The following FREM1 variants were observed in gnomAD, a reference collection of about 807,000 sequenced individuals.
The protein encoded by FREM1 is FRAS1 related extracellular matrix 1.
In FREM1, 220 loss-of-function variants were observed where a neutral mutation model predicts 210.1. The observed-to-expected ratio is 1.05, with a 90% CI of 0.94 to 1.17. FREM1 has a LOEUF of 1.17. Among genes scored for constraint, FREM1 ranks in the 50% most tolerant of loss-of-function variants. The probability of loss-of-function intolerance (pLI) is 0.00; values close to 1 mark genes in which losing one functional copy is unlikely to be tolerated. For missense variants in FREM1, 3,454 were observed against 2,675.5 expected, an observed-to-expected ratio of 1.29 and a Z score of -6.42; for synonymous variants, 1,189 against 980.2, an observed-to-expected ratio of 1.21 and a Z score of -3.98.
intron 1 of FREM1, among the ~76,000 whole-genome samples, chr9:14,899,854 C>G (rs1434009259): frequency 1.3e-5 from 2 of 152,222 alleles, no homozygotes; most frequent in Non-Finnish European, 2.9e-5. Context: ...TGTGGAAAAA[C>G]ATACTAACTT....
At chr9:14,844,014 A>G (rs1360493863) in intron 8 of FREM1, among the ~76,000 whole-genome samples, 1 of 152,220 alleles carries the variant, frequency 6.6e-6, no homozygotes, top group Admixed American at 6.5e-5. Flanking sequence ...AATAGTATCT[A>G]ATATCATAAA....
rs976791107 is a variant in FREM1, at chr9:14,776,115, T to C, written c.4531A>G (p.Arg1511Gly). 7 of 1,599,536 alleles carry C rather than the reference T, an allele frequency of 4.4e-6. No homozygotes were observed. Among genetic ancestry groups the C allele is most frequent in the African/African-American group, 2.7e-5 (2 of 74,660 alleles). Residue 1511 changes from arginine (R) to glycine (G), a missense_variant, in exon 25 of 37, where the codon AGG becomes GGG. By Grantham distance (125) the Arg-to-Gly change is moderately radical. Transcript: ENST00000380880. ...TVDRALPVVT[R>G]NKGLRLAQGA... ...TGGGCCAGTCTCAACCCCTTGTTCC[T>C]GGTTACCACAGGCAGGGCTCTGTCC...
At chr9:14,870,965 C>T (rs1340842650) in intron 1 of FREM1, among the ~76,000 whole-genome samples, 1 of 151,840 alleles carries the variant, frequency 6.6e-6, no homozygotes, top group Non-Finnish European at 1.5e-5. Flanking sequence ...TCATCCATGT[C>T]CCTACAAAGG....
At chr9:14,791,631 C>T (rs1851333808) in intron 22 of FREM1, among the ~76,000 whole-genome samples, 1 of 152,142 alleles carries the variant, frequency 6.6e-6, no homozygotes, top group South Asian at 2.1e-4. Flanking sequence ...GAACTTTCGT[C>T]TTTTAAGTTC....
rs539913121 is a variant in FREM1 at position 14,818,270 on chromosome 9, G to A, written c.2546+964C>T. On this transcript the variant is annotated intron_variant, in intron 14 of 36. Coordinates refer to ENST00000380880, the MANE Select transcript of FREM1 (RefSeq NM_001379081.2). Reference sequence around the variant, plus strand: ...AACAGGGCTCTCTATCTAACAGACAGCTGAGAGCTGAAATCTCAAAAAACA... The same window carrying A: ...AACAGGGCTCTCTATCTAACAGACAACTGAGAGCTGAAATCTCAAAAAACA... Among the ~76,000 whole-genome samples, 490 of 152,338 alleles carry A rather than the reference G, an allele frequency of 3.2e-3. 4 individuals are homozygous for A. Among genetic ancestry groups the A allele is most frequent in the Non-Finnish European group, 4.5e-3 (309 of 68,032 alleles).
intron 10 of FREM1, among the ~76,000 whole-genome samples, chr9:14,838,026 A>G (rs1410848460): frequency 6.6e-6 from 1 of 152,214 alleles, no homozygotes; most frequent in East Asian, 1.9e-4. Flanking sequence ...CAAAGGGGTT[A>G]AATGATTTGC....
At chr9:14,781,987 G>A (rs1332036752) in intron 24 of FREM1, among the ~76,000 whole-genome samples, 1 of 152,210 alleles carries the variant, frequency 6.6e-6, no homozygotes, top group Non-Finnish European at 1.5e-5. Context: ...TTACAGGCGT[G>A]AGCCACTGCC....
In FREM1 at chr9:14,836,663, T is replaced by C. The variant is rs1824671456; in HGVS notation, c.1881+4784A>G. On this transcript the variant is annotated intron_variant, in intron 10 of 36. Transcript: ENST00000380880. The surrounding 1 kb of genome is among the most constrained non-coding windows in gnomAD (Gnocchi z 4.9). ...GTATATTCAGTACTATGACTCAAATTGTTTCTTCTCGCCTAAAAGCAATCA... is the reference window on the plus strand; with the variant it reads ...GTATATTCAGTACTATGACTCAAATCGTTTCTTCTCGCCTAAAAGCAATCA... 6.6e-6 allele frequency among the ~76,000 whole-genome samples: 1 copy of C among 152,216 alleles called. No individual in the cohort carries two copies. Among genetic ancestry groups the C allele is most frequent in the Non-Finnish European group, 1.5e-5 (1 of 68,030 alleles).
At chr9:14,827,177 GA>G in intron 10 of FREM1, among the ~76,000 whole-genome samples, 1 of 3,230 alleles carries the variant, frequency 3.1e-4, no homozygotes, top group Admixed American at 6.2e-3. Context: ...GCTCTAGACA[GA>G]AGAACCTCAA....
In FREM1 at chr9:14,824,013, A is replaced by G; in HGVS notation, c.2169+12T>C. The G allele has an allele frequency of 1.3e-6, 2 of 1,540,686 alleles. No homozygotes were observed. The highest frequency in any genetic ancestry group is 1.2e-5 in the South Asian group (1 of 84,098). ...GCATCATGTTTGTCAGCATTTTAGC[A>G]TATCCTCATACCTGAGTGAATGACC... On this transcript the variant is annotated intron_variant, in intron 12 of 36. Transcript: ENST00000380880.
At chr9:14,882,939 A>G (rs771881112) in intron 1 of FREM1, among the ~76,000 whole-genome samples, 13 of 149,518 alleles carry the variant, frequency 8.7e-5, no homozygotes, top group Non-Finnish European at 1.5e-4. Context: ...GGAATCACCC[A>G]TCTTGCCTCC....
At chr9:14,848,894 A>T (rs1021493) in intron 6 of FREM1, 121 bp from the exon 7 acceptor site, 1 of 519,610 alleles carries the variant, frequency 1.9e-6, no homozygotes, top group Non-Finnish European at 3.5e-6. Flanking sequence ...ACATTTCTGC[A>T]GTTCCCACAT....
chr9:14,892,188 C>A (rs186470014), intron 1 of FREM1, among the ~76,000 whole-genome samples: 848 of 152,176 alleles, frequency 5.6e-3, no homozygotes, highest in Admixed American at 0.013. Flanking sequence ...ACTGAAAAAA[C>A]CCCCCGACCC....
chr9:14,879,157 CA>C (rs78563904), intron 1 of FREM1, among the ~76,000 whole-genome samples: 16,446 of 104,278 alleles, frequency 0.16, 1,688 homozygotes, highest in African/African-American at 0.33. Flanking sequence ...GATTCCGTCT[CA>C]AAAAAAAAAA....
At chr9:14,747,575 A>C (rs933338991) in intron 32 of FREM1, 106 bp downstream of exon 32, 3 of 1,041,668 alleles carry the variant, frequency 2.9e-6, no homozygotes, top group Non-Finnish European at 4.1e-6. Context: ...TTTCAAAACA[A>C]TTTTTTAAGA....
At chr9:14,870,645 T>A (rs1000742187) in intron 1 of FREM1, among the ~76,000 whole-genome samples, 5 of 152,230 alleles carry the variant, frequency 3.3e-5, no homozygotes, top group East Asian at 3.9e-4. Context: ...TTCTTTTTTT[T>A]ATTTTAATTC....
At chr9:14,803,220 CTTTCTCTTTCTT>C in intron 19 of FREM1, among the ~76,000 whole-genome samples, 1 of 102,556 alleles carries the variant, frequency 9.8e-6, no homozygotes, top group Non-Finnish European at 2.2e-5. Flanking sequence ...TTTCTCTTTT[CTTTCTCTTTCTT>C]TCTCTCTCCT....
intron 3 of FREM1, among the ~76,000 whole-genome samples, chr9:14,859,854 G>A (rs1206441514): frequency 6.6e-6 from 1 of 152,098 alleles, no homozygotes; most frequent in Non-Finnish European, 1.5e-5. Context: ...GGAGTGAAGG[G>A]GTGAGTGGTT....
At chr9:14,854,882 T>C (rs1828435688) in intron 5 of FREM1, among the ~76,000 whole-genome samples, 1 of 152,040 alleles carries the variant, frequency 6.6e-6, no homozygotes, top group Admixed American at 6.5e-5. Context: ...TGAAGGAAAC[T>C]ACGAACTTTA....
Sources: allele counts gnomAD v4.1 joint callset (sites outside exome capture counted in the v4.1 genomes callset), GRCh38; gene constraint gnomAD v4.1.1; non-coding constraint Gnocchi (gnomAD v3.1); transcripts MANE v1.5; gene names NCBI Gene and HGNC (gene_info 2026-07-23, HGNC 2026-07-21).